Variants in PCBP3 observed in about 807,000 individuals in gnomAD.
The protein encoded by PCBP3 is poly(rC)-binding protein 3.
PCBP3 carries 25 observed loss-of-function variants against 52.7 expected under a neutral mutation model. The observed-to-expected ratio is 0.47, with a 90% confidence interval of 0.35 to 0.66. The LOEUF is 0.66. Ranked by LOEUF, PCBP3 falls within the 30% of genes least tolerant of loss-of-function variation. The pLI is 0.01. For synonymous variants in PCBP3, 162 were observed against 183.0 expected, an observed-to-expected ratio of 0.89 and a Z score of 0.93; for missense variants, 391 against 490.3, an observed-to-expected ratio of 0.80 and a Z score of 1.91.
intron 15 of PCBP3, among the ~76,000 whole-genome samples, chr21:45,932,522 CGT>C (rs1412680492): frequency 2.7e-5 from 4 of 150,106 alleles, no homozygotes; most frequent in African/African-American, 1.0e-4. Flanking sequence ...TGAACGAACA[CGT>C]CGGCCATGCC....
chr21:45,938,281 G>C (rs568435510), intron 16 of PCBP3, among the ~76,000 whole-genome samples: 20 of 152,382 alleles, frequency 1.3e-4, no homozygotes, highest in Admixed American at 1.3e-3. Context: ...GTGTTAGGGA[G>C]GAAAGCGGCT....
rs958565648 is a variant in PCBP3 at position 45,736,628 on chromosome 21, T to A, written c.-162+1199T>A. On this transcript the variant is annotated intron_variant, in intron 3 of 17. Transcript: ENST00000681687. This position sits in a 1 kb window ranked among gnomAD's most constrained non-coding sequence, Gnocchi z 4.6. Reference sequence around the variant, plus strand: ...TCTCGGAGAGATGGCATGGAGGGGTTGGGGCCTGTGCTCCTAGGTGCTTAG... The same window carrying A: ...TCTCGGAGAGATGGCATGGAGGGGTAGGGGCCTGTGCTCCTAGGTGCTTAG... Among the ~76,000 whole-genome samples the A allele has an allele frequency of 1.3e-5, 2 of 151,990 alleles. No homozygotes were observed. The highest frequency in any genetic ancestry group is 2.4e-5 in the African/African-American group (1 of 41,346).
At position 45,837,252 on chromosome 21, in the gene PCBP3, C is replaced by T. The variant is rs563429844; in HGVS notation, c.-125-12709C>T. On this transcript the variant is annotated intron_variant, in intron 4 of 17. Transcript: ENST00000681687. This position sits in a 1 kb window ranked among gnomAD's most constrained non-coding sequence, Gnocchi z 4.1. ...ACGTTTCACTGTGGTCTGTATCTCC[C>T]GTTCCACATGCTCTTGTGCTGTGAC... Among the ~76,000 whole-genome samples the T allele has an allele frequency of 3.9e-5, 6 of 152,372 alleles. No individual in the cohort carries two copies. In the East Asian group the frequency reaches 1.2e-3, roughly 29 times the overall value.
chr21:45,810,119 C>G (rs186086113), intron 4 of PCBP3, among the ~76,000 whole-genome samples: 124 of 152,164 alleles, frequency 8.1e-4, no homozygotes, highest in African/African-American at 3.0e-3. Flanking sequence ...AATTTACTGC[C>G]TTATCATGTT....
intron 2 of PCBP3, among the ~76,000 whole-genome samples, chr21:45,680,667 C>T (rs2081780853): frequency 6.6e-6 from 1 of 152,060 alleles, no homozygotes; most frequent in African/African-American, 2.4e-5. Context: ...TTTATCTTTT[C>T]TGATCTCTAG....
intron 2 of PCBP3, among the ~76,000 whole-genome samples, chr21:45,670,800 A>G (rs952081268): frequency 2.0e-5 from 3 of 152,186 alleles, no homozygotes; most frequent in South Asian, 2.1e-4. Context: ...AGGGCCTTAC[A>G]TGGTAAAATT....
chr21:45,674,578 TAAAC>T (rs2081354660), intron 2 of PCBP3, among the ~76,000 whole-genome samples: 4 of 152,220 alleles, frequency 2.6e-5, no homozygotes, highest in South Asian at 2.1e-4. Context: ...TCTAATTAAT[TAAAC>T]AAATAATAAT....
At chr21:45,647,634 G>T (rs563334599) in intron 1 of PCBP3, among the ~76,000 whole-genome samples, 1 of 152,180 alleles carries the variant, frequency 6.6e-6, no homozygotes, top group Non-Finnish European at 1.5e-5. Flanking sequence ...TACAGAGTGT[G>T]TAGTGGTGTG....
Position 45,917,702 on chromosome 21 carries a change from A to G in PCBP3, c.717+73A>G, listed in dbSNP as rs1246215945. On this transcript the variant is annotated intron_variant, in intron 13 of 17. Transcript: ENST00000681687. The surrounding 1 kb of genome is among the most constrained non-coding windows in gnomAD (Gnocchi z 5.3). Reference sequence around the variant, plus strand: ...TTTACCTACCTGCATGCTGCTGTTAATTGCTACTAACATTAATATTACACA... The same window carrying G: ...TTTACCTACCTGCATGCTGCTGTTAGTTGCTACTAACATTAATATTACACA... 1 of 1,115,990 alleles carries G rather than the reference A, an allele frequency of 9.0e-7. No individual in the cohort carries two copies. The highest frequency in any genetic ancestry group is 1.4e-6 in the Non-Finnish European group (1 of 725,820). 69.1% of individuals were successfully genotyped at this position (1,115,990 alleles called of 1,614,324 possible).
chr21:45,900,663 G>A lies in PCBP3; in HGVS notation c.222+40G>A, dbSNP rs777357552. 2.1e-5 allele frequency: 27 copies of A among 1,273,490 alleles called. 1 individual carries two copies. Among genetic ancestry groups the A allele is most frequent in the African/African-American group, 1.2e-4 (8 of 68,868 alleles). The allele number at this position is 1,273,490 out of a possible 1,614,324, so 78.9% of individuals were successfully genotyped here. A position where few individuals can be genotyped will look rare whatever the true frequency, so the allele number is the denominator to read the frequency against. ...TCCCCACCTGTCCGCAGCCATTCCC[G>A]GGTGGGCGGGGTGGGTCCCCAGGCT... On this transcript the variant is annotated intron_variant, in intron 8 of 17. Coordinates refer to ENST00000681687, the MANE Select transcript of PCBP3 (RefSeq NM_001384156.1).
chr21:45,696,724 G>C (rs1290741755), intron 2 of PCBP3, among the ~76,000 whole-genome samples: 1 of 151,940 alleles, frequency 6.6e-6, no homozygotes, highest in African/African-American at 2.4e-5. Context: ...CCGGGAGGCA[G>C]AGGTTGCAGT....
At chr21:45,767,128 T>G (rs2089415806) in intron 4 of PCBP3, among the ~76,000 whole-genome samples, 1 of 152,178 alleles carries the variant, frequency 6.6e-6, no homozygotes, top group Admixed American at 6.5e-5. Context: ...ACAGTCTTCA[T>G]GCTACGCAGC....
At chr21:45,863,323 GGCAGCA>G (rs902197557) in intron 5 of PCBP3, among the ~76,000 whole-genome samples, 1 of 152,160 alleles carries the variant, frequency 6.6e-6, no homozygotes, top group African/African-American at 2.4e-5. Context: ...GCAGACTGGC[GGCAGCA>G]GCAGCAAAAG....
At position 45,898,572 on chromosome 21, in the gene PCBP3, CCT is replaced by C. The variant is rs1409542634; in HGVS notation, c.166-1025_166-1024del. ...CTCCCAGCCTCCCTCTACACGCCAT[CCT>C]CACAGCCTCCCTCTCCCTCCACGGG... is the stretch of plus-strand genomic sequence containing the variant. On this transcript the variant is annotated intron_variant, in intron 6 of 17. Transcript: ENST00000681687. Among the ~76,000 whole-genome samples the C allele has an allele frequency of 1.0e-3, 73 of 73,128 alleles. 20 individuals carry two copies. In the East Asian group the frequency reaches 0.016, roughly 16 times the overall value. 48.0% of individuals were successfully genotyped at this position (73,128 alleles called of 152,430 possible).
At chr21:45,721,384 G>A (rs2148322626) in intron 2 of PCBP3, among the ~76,000 whole-genome samples, 1 of 134,988 alleles carries the variant, frequency 7.4e-6, no homozygotes, top group African/African-American at 2.8e-5. Flanking sequence ...CTGCACTCCA[G>A]CCTAGGCGAC....
At chr21:45,810,322 C>A (rs1392516316) in intron 4 of PCBP3, among the ~76,000 whole-genome samples, 1 of 151,970 alleles carries the variant, frequency 6.6e-6, no homozygotes, top group Admixed American at 6.6e-5. Context: ...TCACGGCAGT[C>A]TCAGTCTCCT....
chr21:45,677,254 T>C (rs997767171), intron 2 of PCBP3, among the ~76,000 whole-genome samples: 4 of 152,190 alleles, frequency 2.6e-5, no homozygotes, highest in African/African-American at 9.6e-5. Context: ...GAAACAGCCT[T>C]GTTGCTGATA....
At chr21:45,940,782 C>CCAGGCACACTGTACCACCAGCCCCCCA (rs147490338) in intron 17 of PCBP3, among the ~76,000 whole-genome samples, 2 of 129,346 alleles carry the variant, frequency 1.5e-5, no homozygotes, top group African/African-American at 7.2e-5. Flanking sequence ...CCACCAGCCC[C>CCAGGCACACTGTACCACCAGCCCCCCA]GCCAGGCACA....
At chr21:45,705,869 T>C (rs1038511114) in intron 2 of PCBP3, among the ~76,000 whole-genome samples, 1 of 152,206 alleles carries the variant, frequency 6.6e-6, no homozygotes, top group African/African-American at 2.4e-5. Flanking sequence ...AATACTGACT[T>C]GGCCATGGTG....
Sources: allele counts gnomAD v4.1 joint callset (sites outside exome capture counted in the v4.1 genomes callset), GRCh38; gene constraint gnomAD v4.1.1; non-coding constraint Gnocchi (gnomAD v3.1); transcripts MANE v1.5; gene names NCBI Gene and HGNC (gene_info 2026-07-23, HGNC 2026-07-21).